PLA2G4A: variants seen among roughly 807,000 people sequenced by gnomAD.
PLA2G4A encodes the protein phospholipase A2 group IVA, also known as cytosolic phospholipase A2.
In PLA2G4A, 40 loss-of-function variants were observed where a neutral mutation model predicts 81.9. That is an observed-to-expected ratio of 0.49 (90% CI 0.38 to 0.64). The LOEUF (loss-of-function observed/expected upper bound fraction) is 0.64, where lower values mean the gene tolerates loss of function less well. Among genes scored for constraint, PLA2G4A ranks in the 30% least tolerant of loss-of-function variants. The pLI, the probability that PLA2G4A is intolerant of heterozygous loss-of-function variation, is 0.00. For missense variants in PLA2G4A, 715 were observed against 905.1 expected (o/e 0.79, Z 2.69); for synonymous variants, 302 against 296.9 (o/e 1.02, Z -0.18).
intron 2 of PLA2G4A, among the ~76,000 whole-genome samples, chr1:186,864,868 A>G (rs969864358): frequency 1.3e-5 from 2 of 150,984 alleles, no homozygotes; most frequent in African/African-American, 4.8e-5. Flanking sequence ...TGAGGTGGGC[A>G]GATTGCTTGA....
intron 3 of PLA2G4A, among the ~76,000 whole-genome samples, chr1:186,888,714 T>C (rs1384814902): frequency 6.6e-6 from 1 of 152,180 alleles, no homozygotes; most frequent in Admixed American, 6.5e-5. Flanking sequence ...GCCTGGCATA[T>C]AGTAGGCACT....
At chr1:186,891,753 A>G (rs1654152250) in intron 3 of PLA2G4A, among the ~76,000 whole-genome samples, 1 of 152,224 alleles carries the variant, frequency 6.6e-6, no homozygotes, top group African/African-American at 2.4e-5. Flanking sequence ...TAGTGCTGCA[A>G]TAAACACAGG....
chr1:186,950,392 T>C (rs1337199099), intron 12 of PLA2G4A, among the ~76,000 whole-genome samples: 2 of 152,176 alleles, frequency 1.3e-5, no homozygotes, highest in African/African-American at 2.4e-5. Flanking sequence ...GTCAGAATTA[T>C]GATAAACATA....
intron 2 of PLA2G4A, among the ~76,000 whole-genome samples, chr1:186,859,782 G>A (rs1209025221): frequency 6.6e-6 from 1 of 152,146 alleles, no homozygotes; most frequent in Non-Finnish European, 1.5e-5. Context: ...GTCTTAACCA[G>A]TTACATGATC....
At chr1:186,933,562 A>G (rs1489080341) in intron 8 of PLA2G4A, among the ~76,000 whole-genome samples, 1 of 152,172 alleles carries the variant, frequency 6.6e-6, no homozygotes, top group African/African-American at 2.4e-5. Flanking sequence ...ACATAAGCAC[A>G]TTGAAAATCA....
chr1:186,850,097 T>A (rs1221551652), intron 1 of PLA2G4A, among the ~76,000 whole-genome samples: 1 of 152,164 alleles, frequency 6.6e-6, no homozygotes, highest in African/African-American at 2.4e-5. Flanking sequence ...TAGTGAGTCA[T>A]GAAATCAATT....
intron 3 of PLA2G4A, among the ~76,000 whole-genome samples, chr1:186,883,692 TA>T (rs1308007488): frequency 8.5e-5 from 13 of 152,126 alleles, no homozygotes; most frequent in African/African-American, 2.9e-4. Flanking sequence ...GAGAGGTAGG[TA>T]GGAAATCACA....
At chr1:186,930,793 C>T (rs1048502543) in intron 7 of PLA2G4A, among the ~76,000 whole-genome samples, 5 of 152,150 alleles carry the variant, frequency 3.3e-5, no homozygotes, top group Non-Finnish European at 2.9e-5. Flanking sequence ...TTTCCCAACT[C>T]CCTAATATAC....
intron 2 of PLA2G4A, among the ~76,000 whole-genome samples, chr1:186,867,070 T>A (rs903278219): frequency 6.6e-6 from 1 of 152,194 alleles, no homozygotes; most frequent in Non-Finnish European, 1.5e-5. Flanking sequence ...GTTTGTATTT[T>A]TTTTATTGCC....
chr1:186,942,489 T>C (rs1241667919), intron 10 of PLA2G4A, among the ~76,000 whole-genome samples: 4 of 152,178 alleles, frequency 2.6e-5, no homozygotes, highest in Non-Finnish European at 5.9e-5. Context: ...TTAAAAAATA[T>C]ATTAACCCTA....
intron 3 of PLA2G4A, among the ~76,000 whole-genome samples, chr1:186,874,172 A>C (rs1011589265): frequency 6.6e-6 from 1 of 152,106 alleles, no homozygotes; most frequent in Non-Finnish European, 1.5e-5. Context: ...GTTAAACTCT[A>C]TACTCTACAT....
intron 1 of PLA2G4A, among the ~76,000 whole-genome samples, chr1:186,844,847 A>G (rs530760613): frequency 6.6e-6 from 1 of 152,314 alleles, no homozygotes; most frequent in East Asian, 1.9e-4. Context: ...TGCTCAATAA[A>G]TTTGCCTACT....
At chr1:186,830,300 C>A (rs999845578) in intron 1 of PLA2G4A, among the ~76,000 whole-genome samples, 10 of 152,062 alleles carry the variant, frequency 6.6e-5, no homozygotes. Flanking sequence ...ATCTTTTTAA[C>A]ATATTTTTAA....
intron 3 of PLA2G4A, among the ~76,000 whole-genome samples, chr1:186,886,054 G>C (rs1174545121): frequency 6.6e-6 from 1 of 152,048 alleles, no homozygotes; most frequent in Non-Finnish European, 1.5e-5. Context: ...ACAAAACAGA[G>C]AGGAACCATA....
rs2102010410 is a variant in PLA2G4A, at chr1:186,843,283, C to CAAAATTAAGTGTTCAAAATTAATAT, written c.-69-11002_-69-11001insAAATTAAGTGTTCAAAATTAATATA. 2.0e-5 allele frequency among the ~76,000 whole-genome samples: 3 copies of CAAAATTAAGTGTTCAAAATTAATAT among 152,236 alleles called. No individual in the cohort carries two copies. The South Asian group carries it at 6.2e-4, about 32-fold the overall frequency. ...GTGTGGATTTTCAAAATTAAGTGTT[C>CAAAATTAAGTGTTCAAAATTAATAT]ATATTAGCAACTGCTAAGATATATT... is the stretch of plus-strand genomic sequence containing the variant. On this transcript the variant is annotated intron_variant, in intron 1 of 17. Coordinates refer to ENST00000367466, the MANE Select transcript of PLA2G4A (RefSeq NM_024420.3).
At chr1:186,922,434 G>C (rs748973677) in intron 7 of PLA2G4A, among the ~76,000 whole-genome samples, 1 of 152,206 alleles carries the variant, frequency 6.6e-6, no homozygotes, top group Non-Finnish European at 1.5e-5. Flanking sequence ...CAGACTCCAA[G>C]TGCCAGTTCC....
intron 1 of PLA2G4A, among the ~76,000 whole-genome samples, chr1:186,840,251 C>A (rs1651931875): frequency 6.6e-6 from 1 of 151,992 alleles, no homozygotes; most frequent in African/African-American, 2.4e-5. Flanking sequence ...GGGTCCATGG[C>A]ACAAAAAAGA....
chr1:186,955,952 G>C (rs2102255649), intron 13 of PLA2G4A, 150 bp from the exon 14 acceptor site: 1 of 660,828 alleles, frequency 1.5e-6, no homozygotes, highest in East Asian at 2.9e-5. Context: ...TTGTTGGCCA[G>C]GATGGTCTCA....
intron 15 of PLA2G4A, among the ~76,000 whole-genome samples, chr1:186,970,821 A>T (rs567141203): frequency 1.3e-5 from 2 of 152,064 alleles, no homozygotes; most frequent in East Asian, 3.9e-4. Flanking sequence ...TTTGTAGTAT[A>T]ATTTGAAGTC....
Sources: gnomAD v4.1 joint callset for allele counts (sites outside exome capture counted in the v4.1 genomes callset) on GRCh38, gnomAD v4.1.1 for gene constraint, MANE v1.5 for transcripts, NCBI Gene and HGNC (gene_info 2026-07-23, HGNC 2026-07-21) for gene names.